GPC5: variants seen among roughly 807,000 people sequenced by gnomAD.
GPC5 encodes glypican 5, also known as glypican-5.
A neutral mutation model predicts 53.9 loss-of-function variants in GPC5; 47 were observed. The ratio of observed to expected loss-of-function variants is 0.87; its 90% CI spans 0.69 to 1.11. The LOEUF is 1.11. Among genes scored for constraint, GPC5 ranks in the 50% most tolerant of loss-of-function variants. GPC5 has a pLI of 0.00. For synonymous variants in GPC5, 286 were observed against 263.3 expected, an observed-to-expected ratio of 1.09 and a Z score of -0.84; for missense variants, 748 against 713.1, an observed-to-expected ratio of 1.05 and a Z score of -0.56.
At chr13:91,707,411 C>G (rs2036130121) in intron 3 of GPC5, among the ~76,000 whole-genome samples, 2 of 151,974 alleles carry the variant, frequency 1.3e-5, no homozygotes, top group Admixed American at 6.6e-5. Flanking sequence ...TTGCTTAAGC[C>G]TAGGAGGTCA....
At chr13:92,248,490 G>A (rs1440543758) in intron 7 of GPC5, among the ~76,000 whole-genome samples, 1 of 152,100 alleles carries the variant, frequency 6.6e-6, no homozygotes, top group Non-Finnish European at 1.5e-5. Context: ...TTAGCCTCCA[G>A]CGTCTCAGTT....
intron 6 of GPC5, among the ~76,000 whole-genome samples, chr13:92,075,877 G>A (rs1259924040): frequency 6.6e-6 from 1 of 151,968 alleles, no homozygotes; most frequent in African/African-American, 2.4e-5. Context: ...AATTAATTAA[G>A]CTTTAAATTC....
At chr13:92,660,253 TA>T (rs971585025) in intron 7 of GPC5, among the ~76,000 whole-genome samples, 4 of 152,134 alleles carry the variant, frequency 2.6e-5, no homozygotes, top group Non-Finnish European at 4.4e-5. Context: ...GGATGCTTGA[TA>T]GGATTCTTTG....
At chr13:91,824,223 A>G (rs2038540156) in intron 5 of GPC5, among the ~76,000 whole-genome samples, 1 of 152,086 alleles carries the variant, frequency 6.6e-6, no homozygotes, top group African/African-American at 2.4e-5. Flanking sequence ...TTTTGAAATC[A>G]ATTCAACAAA....
intron 2 of GPC5, among the ~76,000 whole-genome samples, chr13:91,656,372 T>A (rs1360491089): frequency 6.6e-6 from 1 of 152,120 alleles, no homozygotes; most frequent in Non-Finnish European, 1.5e-5. Context: ...GTATCCATCA[T>A]GAGAATGGAA....
chr13:92,166,956 TCACACACACACACACACACACA>T (rs199854897), intron 7 of GPC5, among the ~76,000 whole-genome samples: 1 of 84,710 alleles, frequency 1.2e-5, no homozygotes, highest in Non-Finnish European at 2.4e-5. Flanking sequence ...TCTCTCTCTC[TCACACACACACACACACACACA>T]CACACACACA....
At chr13:92,572,004 C>T (rs910820488) in intron 7 of GPC5, among the ~76,000 whole-genome samples, 15 of 151,840 alleles carry the variant, frequency 9.9e-5, no homozygotes, top group African/African-American at 2.4e-4. Context: ...CACTGCACGC[C>T]GGCCTGGACA....
chr13:92,592,070 G>T lies in GPC5; in HGVS notation c.1562-274212G>T, dbSNP rs945317373. On this transcript the variant is annotated intron_variant, in intron 7 of 7. Coordinates refer to ENST00000377067, the MANE Select transcript of GPC5 (RefSeq NM_004466.6). The stretch of plus-strand genomic sequence containing the variant: ...AGGCTTTGAAAGCCACACATCAGTG[G>T]AGTTCTCTTCTATATCGATTTATGA... Among the ~76,000 whole-genome samples the T allele has an allele frequency of 3.9e-5, 6 of 152,196 alleles. No homozygotes were observed. The East Asian group carries it at 5.8e-4, about 15-fold the overall frequency.
At chr13:92,126,666 T>C (rs1019795727) in intron 6 of GPC5, among the ~76,000 whole-genome samples, 1 of 152,200 alleles carries the variant, frequency 6.6e-6, no homozygotes. Context: ...AAATATTTAC[T>C]ATCTGGCCCT....
At chr13:91,540,372 A>G (rs1397614260) in intron 2 of GPC5, among the ~76,000 whole-genome samples, 3 of 152,228 alleles carry the variant, frequency 2.0e-5, no homozygotes, top group African/African-American at 7.2e-5. Flanking sequence ...TACAGGCCAC[A>G]TACTGTATGA....
chr13:91,514,062 G>T (rs958590134), intron 2 of GPC5, among the ~76,000 whole-genome samples: 1 of 152,106 alleles, frequency 6.6e-6, no homozygotes, highest in African/African-American at 2.4e-5. Context: ...AAGCCATCTG[G>T]GTTGTTTCTG....
chr13:92,563,120 T>C (rs1389417975), intron 7 of GPC5, among the ~76,000 whole-genome samples: 1 of 152,076 alleles, frequency 6.6e-6, no homozygotes, highest in Non-Finnish European at 1.5e-5. Flanking sequence ...AGACCCAGCA[T>C]ATAGCCAGTA....
At chr13:92,494,110 G>C (rs865951585) in intron 7 of GPC5, among the ~76,000 whole-genome samples, 1 of 143,096 alleles carries the variant, frequency 7.0e-6, no homozygotes. Flanking sequence ...GTTTTTTTGA[G>C]ACGGAGTCTC....
At chr13:91,777,491 GAAGATTATAA>G (rs1222425195) in intron 5 of GPC5, among the ~76,000 whole-genome samples, 1 of 152,166 alleles carries the variant, frequency 6.6e-6, no homozygotes, top group Non-Finnish European at 1.5e-5. Flanking sequence ...GGAAACGACA[GAAGATTATAA>G]AATAGCAGTG....
At chr13:92,226,598 A>G (rs934731211) in intron 7 of GPC5, among the ~76,000 whole-genome samples, 11 of 151,978 alleles carry the variant, frequency 7.2e-5, no homozygotes, top group African/African-American at 1.9e-4. Context: ...GTAGTGACTG[A>G]GAAACAAGCA....
At position 92,164,734 on chromosome 13, in the gene GPC5, C is replaced by T. The variant is rs187294558; in HGVS notation, c.1561+19745C>T. On this transcript the variant is annotated intron_variant, in intron 7 of 7. Transcript: ENST00000377067. ...CCAGTGGGGATTTTTTGTGTGGGGA[C>T]TCTGACCTCACATTTCCCTTCCACA... Among the ~76,000 whole-genome samples the T allele has an allele frequency of 3.3e-5, 5 of 152,300 alleles. No individual in the cohort carries two copies. In the East Asian group the frequency reaches 9.7e-4, roughly 29 times the overall value.
chr13:92,801,683 T>C (rs569923839), intron 7 of GPC5, among the ~76,000 whole-genome samples: 25 of 151,874 alleles, frequency 1.6e-4, no homozygotes, highest in Non-Finnish European at 3.2e-4. Context: ...TGGAAGGCAG[T>C]GATATTGATG....
chr13:92,703,233 G>A (rs1458878846), intron 7 of GPC5, among the ~76,000 whole-genome samples: 2 of 151,726 alleles, frequency 1.3e-5, no homozygotes, highest in East Asian at 3.9e-4. Flanking sequence ...AATAGGGACT[G>A]TTTTCAAAAG....
At chr13:92,269,635 T>A (rs1455787014) in intron 7 of GPC5, among the ~76,000 whole-genome samples, 1 of 152,094 alleles carries the variant, frequency 6.6e-6, no homozygotes. Flanking sequence ...CTCGATCTCC[T>A]GACCTCGTGA....
Sources: allele counts gnomAD v4.1 joint callset (sites outside exome capture counted in the v4.1 genomes callset), GRCh38; gene constraint gnomAD v4.1.1; transcripts MANE v1.5; gene names NCBI Gene and HGNC (gene_info 2026-07-23, HGNC 2026-07-21).